The following TBCEL variants were observed in gnomAD, a reference collection of about 807,000 sequenced individuals.
TBCEL encodes tubulin folding cofactor E like.
TBCEL carries 15 observed loss-of-function variants against 44.2 expected under a neutral mutation model. That is an observed-to-expected ratio of 0.34 (90% CI 0.23 to 0.52). The LOEUF (loss-of-function observed/expected upper bound fraction) is 0.52, where lower values mean the gene tolerates loss of function less well. TBCEL is among the 20% of genes least tolerant of loss of function. The pLI is 0.95. For missense variants in TBCEL, 319 were observed against 506.3 expected, an observed-to-expected ratio of 0.63 and a Z score of 3.55; for synonymous variants, 171 against 185.4, an observed-to-expected ratio of 0.92 and a Z score of 0.63.
intron 2 of TBCEL, 136 bp downstream of exon 2, chr11:121,036,748 A>G (rs1268658359): frequency 6.6e-6 from 1 of 152,218 alleles, no homozygotes; most frequent in Non-Finnish European, 1.5e-5. Context: ...GACTACAAGC[A>G]TGAGAGTCAG....
At chr11:121,050,127 G>A (rs1265847410) in intron 4 of TBCEL, among the ~76,000 whole-genome samples, 2 of 151,760 alleles carry the variant, frequency 1.3e-5, no homozygotes, top group East Asian at 3.9e-4. Flanking sequence ...TCAGAACATA[G>A]AAAAGGGAGA....
chr11:121,072,446 AT>A (rs1945952778), intron 8 of TBCEL, among the ~76,000 whole-genome samples: 1 of 152,146 alleles, frequency 6.6e-6, no homozygotes, highest in Admixed American at 6.5e-5. Context: ...ATTCTACTTT[AT>A]TTTTCATTAA....
chr11:121,046,341 A>C (rs1945429473), intron 3 of TBCEL, among the ~76,000 whole-genome samples: 1 of 152,112 alleles, frequency 6.6e-6, no homozygotes. Context: ...ATTCTAGGAG[A>C]GGGATTAGAT....
At chr11:121,056,805 G>A (rs899584235) in intron 6 of TBCEL, among the ~76,000 whole-genome samples, 5 of 151,914 alleles carry the variant, frequency 3.3e-5, no homozygotes, top group Admixed American at 3.3e-4. Flanking sequence ...CAGGTCTGTG[G>A]CCCATTTTGT....
chr11:121,080,808 A>T (rs1946111224), intron 8 of TBCEL, among the ~76,000 whole-genome samples: 1 of 152,188 alleles, frequency 6.6e-6, no homozygotes, highest in Non-Finnish European at 1.5e-5. Context: ...GGGAATCAAG[A>T]GTGAGGATTG....
intron 8 of TBCEL, among the ~76,000 whole-genome samples, chr11:121,074,493 T>C (rs557091041): frequency 1.3e-5 from 2 of 152,166 alleles, no homozygotes; most frequent in East Asian, 3.9e-4. Flanking sequence ...TATTCATCTT[T>C]TTATTCATAA....
In TBCEL at chr11:121,086,784, T is replaced by C; in HGVS notation, c.963T>C (p.His321=). 3.1e-6 allele frequency: 5 copies of C among 1,612,700 alleles called. No individual in the cohort carries two copies. The highest frequency in any genetic ancestry group is 3.4e-6 in the Non-Finnish European group (4 of 1,179,266). ...TTGTTTTTAATCCTTCTAGGTATCA[T>C]GAACTGATCACTAAATATGGGAAGT... ...VPQEEVPFRY[H]ELITKYGKLE... The change falls in exon 9 of 9, where the codon CAT becomes CAC. Residue 321 remains histidine (H), a synonymous_variant. Coordinates refer to ENST00000683345, the MANE Select transcript of TBCEL (RefSeq NM_001363644.2).
At chr11:121,038,806 CCCACCTCGT>C (rs1294879169) in intron 2 of TBCEL, among the ~76,000 whole-genome samples, 3 of 152,098 alleles carry the variant, frequency 2.0e-5, no homozygotes, top group Non-Finnish European at 4.4e-5. Context: ...CACCAACTGT[CCCACCTCGT>C]CCACTTTCAT....
chr11:121,075,628 C>T (rs866554045), intron 8 of TBCEL, among the ~76,000 whole-genome samples: 34 of 152,058 alleles, frequency 2.2e-4, no homozygotes, highest in Middle Eastern at 6.8e-3. Context: ...GTATGTCTCT[C>T]TGTCTAGACC....
Position 121,087,131 on chromosome 11 carries a change from G to T in TBCEL, c.*35G>T. The T allele has an allele frequency of 1.3e-6, 2 of 1,567,680 alleles. No homozygotes were observed. The highest frequency in any genetic ancestry group is 1.7e-6 in the Non-Finnish European group (2 of 1,156,200). On this transcript the variant is annotated 3_prime_UTR_variant, in exon 9 of 9. Coordinates refer to ENST00000683345, the MANE Select transcript of TBCEL (RefSeq NM_001363644.2). ...GCCTTGTGAAAAACATACACATAAG[G>T]ACTTGTTGCAGGGCATTTGTTTTTA...
intron 8 of TBCEL, among the ~76,000 whole-genome samples, chr11:121,079,293 G>A (rs2135010772): frequency 6.6e-6 from 1 of 152,254 alleles, no homozygotes; most frequent in African/African-American, 2.4e-5. Context: ...GAATTTTTAG[G>A]ACTCCCCAAG....
intron 8 of TBCEL, among the ~76,000 whole-genome samples, chr11:121,073,789 T>C (rs573178229): frequency 5.9e-5 from 9 of 152,064 alleles, no homozygotes; most frequent in Non-Finnish European, 1.0e-4. Context: ...CGAGTAGACA[T>C]TGAATTTTGT....
At chr11:121,072,978 G>T (rs1181348892) in intron 8 of TBCEL, among the ~76,000 whole-genome samples, 2 of 151,998 alleles carry the variant, frequency 1.3e-5, no homozygotes, top group East Asian at 1.9e-4. Flanking sequence ...GTATGCTTCT[G>T]TTTCAGGACC....
intron 8 of TBCEL, among the ~76,000 whole-genome samples, chr11:121,069,575 G>A (rs1447277843): frequency 1.3e-5 from 2 of 152,178 alleles, no homozygotes; most frequent in Admixed American, 6.5e-5. Context: ...TGGATCACTT[G>A]AAGTTAGGAG....
intron 1 of TBCEL, among the ~76,000 whole-genome samples, chr11:121,024,887 A>G (rs561704786): frequency 6.6e-6 from 1 of 152,168 alleles, no homozygotes; most frequent in Non-Finnish European, 1.5e-5. Context: ...ATTTGCCCCA[A>G]GGTTGGGAGA....
At chr11:121,036,827 A>C (rs2134893582) in intron 2 of TBCEL, among the ~76,000 whole-genome samples, 1 of 152,332 alleles carries the variant, frequency 6.6e-6, no homozygotes, top group South Asian at 2.1e-4. Context: ...AAAGTGCCTT[A>C]TATGCAACGT....
chr11:121,085,448 A>G (rs1946198980), intron 8 of TBCEL, among the ~76,000 whole-genome samples: 1 of 152,136 alleles, frequency 6.6e-6, no homozygotes, highest in African/African-American at 2.4e-5. Context: ...TTGTTATTTT[A>G]TTTGGTTCTT....
intron 8 of TBCEL, among the ~76,000 whole-genome samples, chr11:121,083,473 T>C (rs1232535699): frequency 6.6e-6 from 1 of 152,218 alleles, no homozygotes; most frequent in African/African-American, 2.4e-5. Context: ...TTTGAACCTA[T>C]TGATTTTGAG....
chr11:121,026,788 A>G (rs905784540), intron 1 of TBCEL, among the ~76,000 whole-genome samples: 1 of 143,794 alleles, frequency 7.0e-6, no homozygotes, highest in Middle Eastern at 3.6e-3. Context: ...TTTAAAGAAG[A>G]TTTTGTTTTG....
Sources: allele counts gnomAD v4.1 joint callset (sites outside exome capture counted in the v4.1 genomes callset), GRCh38; gene constraint gnomAD v4.1.1; transcripts MANE v1.5; gene names NCBI Gene and HGNC (gene_info 2026-07-23, HGNC 2026-07-21).